Variants in ERC2 observed in about 807,000 individuals in gnomAD.
ERC2 encodes the protein ELKS/RAB6-interacting/CAST family member 2.
ERC2 carries 42 observed loss-of-function variants against 114.8 expected under a neutral mutation model. That is an observed-to-expected ratio of 0.37 (90% CI 0.29 to 0.47). The LOEUF (loss-of-function observed/expected upper bound fraction) is 0.47. ERC2 is among the 20% of genes least tolerant of loss of function. ERC2 has a pLI of 0.99. For synonymous variants in ERC2, 454 were observed against 425.5 expected, an observed-to-expected ratio of 1.07 and a Z score of -0.82; for missense variants, 939 against 1,150.7, an observed-to-expected ratio of 0.82 and a Z score of 2.66.
At chr3:56,021,388 G>T (rs1299385809) in intron 7 of ERC2, among the ~76,000 whole-genome samples, 2 of 151,800 alleles carry the variant, frequency 1.3e-5, no homozygotes, top group East Asian at 1.9e-4. Flanking sequence ...GTCAATCAGG[G>T]TTATCCAGCT....
At chr3:56,389,746 G>C (rs1376469386) in intron 2 of ERC2, among the ~76,000 whole-genome samples, 1 of 152,118 alleles carries the variant, frequency 6.6e-6, no homozygotes, top group Admixed American at 6.6e-5. Context: ...TGCTTGGAAG[G>C]AATTCCCAGA....
intron 2 of ERC2, among the ~76,000 whole-genome samples, chr3:56,392,858 A>G (rs1373093546): frequency 1.3e-5 from 2 of 152,166 alleles, no homozygotes; most frequent in African/African-American, 4.8e-5. Context: ...TACAGCAGGC[A>G]AATAAAGTCC....
At chr3:55,968,196 T>G (rs1227037145) in intron 12 of ERC2, among the ~76,000 whole-genome samples, 2 of 152,172 alleles carry the variant, frequency 1.3e-5, no homozygotes, top group African/African-American at 4.8e-5. Flanking sequence ...TTGGCTTACA[T>G]TCCAAATGTA....
At chr3:56,257,692 T>G (rs1186515413) in intron 3 of ERC2, among the ~76,000 whole-genome samples, 4 of 152,254 alleles carry the variant, frequency 2.6e-5, no homozygotes, top group African/African-American at 9.6e-5. Flanking sequence ...TTCACTCCAT[T>G]AGTCAACTCC....
intron 3 of ERC2, among the ~76,000 whole-genome samples, chr3:56,176,729 C>G (rs2082998825): frequency 6.6e-6 from 1 of 152,152 alleles, no homozygotes; most frequent in South Asian, 2.1e-4. Context: ...TCAAACACTT[C>G]ACCTATCTTT....
intron 14 of ERC2, among the ~76,000 whole-genome samples, chr3:55,874,879 G>A (rs889013979): frequency 1.3e-5 from 2 of 152,150 alleles, no homozygotes; most frequent in Non-Finnish European, 2.9e-5. Context: ...ACTGCTGAGA[G>A]GGAGCTACAG....
At chr3:55,560,306 G>T (rs2055918473) in intron 17 of ERC2, among the ~76,000 whole-genome samples, 1 of 152,164 alleles carries the variant, frequency 6.6e-6, no homozygotes, top group Non-Finnish European at 1.5e-5. Context: ...CTAGTATAAG[G>T]CTATTTCTTG....
chr3:55,720,477 G>A (rs2064477192), intron 15 of ERC2, among the ~76,000 whole-genome samples: 1 of 151,324 alleles, frequency 6.6e-6, no homozygotes, highest in African/African-American at 2.4e-5. Context: ...TGGAAATGAG[G>A]TCTCACTATG....
At chr3:56,462,553 G>A (rs1180230682) in intron 1 of ERC2, among the ~76,000 whole-genome samples, 2 of 152,082 alleles carry the variant, frequency 1.3e-5, no homozygotes, top group Non-Finnish European at 1.5e-5. Context: ...TCTTAATCCA[G>A]CCTAATTTTC....
At chr3:55,617,507 C>T (rs918129946) in intron 17 of ERC2, among the ~76,000 whole-genome samples, 5 of 152,174 alleles carry the variant, frequency 3.3e-5, no homozygotes, top group African/African-American at 1.2e-4. Flanking sequence ...CCAGCAGGAT[C>T]AGAATGTTTA....
At chr3:55,849,459 G>T (rs2061488572) in intron 14 of ERC2, among the ~76,000 whole-genome samples, 1 of 152,272 alleles carries the variant, frequency 6.6e-6, no homozygotes, top group South Asian at 2.1e-4. Flanking sequence ...TTGGGGGTCT[G>T]TCTCCAGGTT....
At chr3:55,583,739 T>C (rs559423020) in intron 17 of ERC2, among the ~76,000 whole-genome samples, 6 of 151,738 alleles carry the variant, frequency 4.0e-5, no homozygotes, top group African/African-American at 1.2e-4. Flanking sequence ...GTATAGGTGA[T>C]GGAACCAGCC....
chr3:55,987,296 G>A (rs1022383344), intron 11 of ERC2, among the ~76,000 whole-genome samples: 13 of 152,186 alleles, frequency 8.5e-5, no homozygotes, highest in African/African-American at 2.9e-4. Context: ...TGGATCAAAG[G>A]TAATTAAATC....
At chr3:55,716,134 T>C (rs2148871410) in intron 15 of ERC2, among the ~76,000 whole-genome samples, 1 of 152,328 alleles carries the variant, frequency 6.6e-6, no homozygotes, top group East Asian at 1.9e-4. Flanking sequence ...TCACACTCTT[T>C]CTTAAGAATA....
intron 17 of ERC2, among the ~76,000 whole-genome samples, chr3:55,562,446 C>A (rs1318746068): frequency 6.6e-6 from 1 of 150,610 alleles, no homozygotes; most frequent in Admixed American, 6.6e-5. Context: ...AGCCACTGTG[C>A]CTGGCCCGCT....
At chr3:56,141,794 C>T (rs759923528) in intron 5 of ERC2, among the ~76,000 whole-genome samples, 2 of 152,102 alleles carry the variant, frequency 1.3e-5, no homozygotes, top group Non-Finnish European at 2.9e-5. Flanking sequence ...ATGAAAAACT[C>T]CACTCGATCA....
intron 2 of ERC2, among the ~76,000 whole-genome samples, chr3:56,419,192 T>C (rs1028641031): frequency 6.0e-5 from 9 of 150,910 alleles, no homozygotes; most frequent in African/African-American, 2.2e-4. Context: ...AGGTACGTAA[T>C]TAACCCTCAC....
At chr3:56,416,087 A>G (rs1254401263) in intron 2 of ERC2, among the ~76,000 whole-genome samples, 1 of 152,220 alleles carries the variant, frequency 6.6e-6, no homozygotes, top group Non-Finnish European at 1.5e-5. Context: ...ACTGAGGTCC[A>G]GGGAAAAGAC....
At chr3:56,013,213 T>C (rs1480025265) in intron 8 of ERC2, among the ~76,000 whole-genome samples, 1 of 152,154 alleles carries the variant, frequency 6.6e-6, no homozygotes, top group African/African-American at 2.4e-5. Flanking sequence ...AATAACATAC[T>C]CCCTAGGATG....
Sources: gnomAD v4.1 joint callset for allele counts (sites outside exome capture counted in the v4.1 genomes callset) on GRCh38, gnomAD v4.1.1 for gene constraint, MANE v1.5 for transcripts, NCBI Gene and HGNC (gene_info 2026-07-23, HGNC 2026-07-21) for gene names.